TOP6BL: variants seen among roughly 807,000 people sequenced by gnomAD.
The protein encoded by TOP6BL is TOP6B like initiator of meiotic double strand breaks.
At chr11:66,794,334 G>A in the TOP6BL span, among the ~76,000 whole-genome samples, 2 of 151,718 alleles carry the variant, frequency 1.3e-5, no homozygotes, top group Non-Finnish European at 2.9e-5. Flanking sequence ...TTTTTTTGGA[G>A]TTCTGCATTT....
chr11:66,819,553 T>C, the TOP6BL span, among the ~76,000 whole-genome samples: 2 of 152,188 alleles, frequency 1.3e-5, no homozygotes, highest in East Asian at 1.9e-4. Flanking sequence ...GGAGGACCGC[T>C]TGAGCCCAAG....
chr11:66,758,900 T>C, the TOP6BL span: 1 of 469,024 alleles, frequency 2.1e-6, no homozygotes, highest in South Asian at 5.9e-5. Context: ...TTCTTTGATG[T>C]TTCCATTTTT....
the TOP6BL span, among the ~76,000 whole-genome samples, chr11:66,779,906 A>C: frequency 4.4e-4 from 67 of 151,626 alleles, no homozygotes; most frequent in African/African-American, 1.6e-3. Flanking sequence ...ATACTTTTAC[A>C]AGGACAAAAA....
chr11:66,820,756 G>C, the TOP6BL span, among the ~76,000 whole-genome samples: 1 of 152,112 alleles, frequency 6.6e-6, no homozygotes, highest in Non-Finnish European at 1.5e-5. Context: ...GGGAGTCACT[G>C]GGATTGTTGT....
the TOP6BL span, among the ~76,000 whole-genome samples, chr11:66,777,131 G>T: frequency 6.9e-5 from 10 of 144,050 alleles, no homozygotes; most frequent in African/African-American, 2.5e-4. Context: ...CTATAATGTT[G>T]TCCTATGTCT....
At chr11:66,800,927 C>A in the TOP6BL span, 2 of 1,236,356 alleles carry the variant, frequency 1.6e-6, no homozygotes, top group Non-Finnish European at 2.3e-6. Flanking sequence ...TTACTGAATT[C>A]TAGTAATCGC....
chr11:66,822,520 C>G, the TOP6BL span: 3 of 1,289,214 alleles, frequency 2.3e-6, no homozygotes, highest in Non-Finnish European at 3.3e-6. Flanking sequence ...TAAACCACAT[C>G]TTGGGATTCA....
At chr11:66,761,607 C>G in the TOP6BL span, 1 of 1,187,412 alleles carries the variant, frequency 8.4e-7, no homozygotes, top group Non-Finnish European at 1.2e-6. Context: ...TTGAGGTCTT[C>G]AAGAAAAGTA....
chr11:66,792,825 C>T, the TOP6BL span, among the ~76,000 whole-genome samples: 1 of 152,186 alleles, frequency 6.6e-6, no homozygotes, highest in Non-Finnish European at 1.5e-5. Context: ...TTAGCCCTCT[C>T]TATGATACGC....
the TOP6BL span, among the ~76,000 whole-genome samples, chr11:66,827,992 A>AG: frequency 4.7e-5 from 7 of 150,202 alleles, no homozygotes; most frequent in Middle Eastern, 3.4e-3. Context: ...AAAAAAAAAA[A>AG]AGAGAGATGG....
chr11:66,825,868 G>A, the TOP6BL span, among the ~76,000 whole-genome samples: 2 of 148,968 alleles, frequency 1.3e-5, no homozygotes, highest in South Asian at 2.1e-4. Flanking sequence ...CTGAGACAGT[G>A]TCTCGCTCTG....
At chr11:66,839,066 A>G in the TOP6BL span, 4 of 453,890 alleles carry the variant, frequency 8.8e-6, no homozygotes, top group African/African-American at 8.0e-5. Flanking sequence ...GTTATGGGAA[A>G]GTGTCAGTGC....
chr11:66,797,123 C>A, the TOP6BL span, among the ~76,000 whole-genome samples: 1 of 151,920 alleles, frequency 6.6e-6, no homozygotes, highest in Non-Finnish European at 1.5e-5. Flanking sequence ...CCTCCGCCTT[C>A]CTAGTAGCTG....
chr11:66,774,849 C>G, the TOP6BL span, among the ~76,000 whole-genome samples: 1 of 151,628 alleles, frequency 6.6e-6, no homozygotes, highest in Admixed American at 6.6e-5. Context: ...CATGGTGGCT[C>G]ACGCCTGTAA....
the TOP6BL span, chr11:66,842,795 TGCTCCTA>T: frequency 6.8e-7 from 1 of 1,472,722 alleles, no homozygotes; most frequent in Admixed American, 2.4e-5. Flanking sequence ...TGGCCAAGGG[TGCTCCTA>T]GCACAGGGCC....
the TOP6BL span, among the ~76,000 whole-genome samples, chr11:66,797,656 C>T: frequency 6.6e-6 from 1 of 151,994 alleles, no homozygotes; most frequent in Non-Finnish European, 1.5e-5. Context: ...AGGTGTGCAC[C>T]ACCACACCTC....
the TOP6BL span, among the ~76,000 whole-genome samples, chr11:66,808,589 T>C: frequency 1.2e-3 from 180 of 152,134 alleles, no homozygotes; most frequent in African/African-American, 4.3e-3. Flanking sequence ...TTTGAAAATT[T>C]TACTAGAAAA....
At chr11:66,836,296 A>AG in the TOP6BL span, among the ~76,000 whole-genome samples, 8 of 151,950 alleles carry the variant, frequency 5.3e-5, no homozygotes, top group Non-Finnish European at 8.8e-5. Flanking sequence ...GGCTCACTGC[A>AG]AGCTCCACCT....
At chr11:66,822,801 T>G in the TOP6BL span, 1 of 648,728 alleles carries the variant, frequency 1.5e-6, no homozygotes, top group South Asian at 1.9e-5. Context: ...CCCAGGAATT[T>G]GACACCAGCC....
Sources: allele counts gnomAD v4.1 joint callset (sites outside exome capture counted in the v4.1 genomes callset), GRCh38; gene constraint gnomAD v4.1.1; transcripts MANE v1.5; gene names NCBI Gene and HGNC (gene_info 2026-07-23, HGNC 2026-07-21).